Variants in BCAS3 observed in about 807,000 individuals in gnomAD.
BCAS3 encodes BCAS4/BCAS3 fusion.
In BCAS3, 53 loss-of-function variants were observed where a neutral mutation model predicts 116.1. The observed-to-expected ratio is 0.46, with a 90% confidence interval of 0.37 to 0.57. BCAS3 has a LOEUF of 0.57. Among genes scored for constraint, BCAS3 ranks in the 20% least tolerant of loss-of-function variants. BCAS3 has a pLI of 0.00. For missense variants in BCAS3, 917 were observed against 1,165.4 expected (o/e 0.79, Z 3.10); for synonymous variants, 391 against 408.2 (o/e 0.96, Z 0.51).
intron 6 of BCAS3, among the ~76,000 whole-genome samples, chr17:60,790,898 C>A (rs1286272576): frequency 1.3e-5 from 2 of 151,956 alleles, no homozygotes; most frequent in African/African-American, 4.8e-5. Flanking sequence ...CGTGCACCAC[C>A]ACGCCTGGCT....
rs1015492387 is a variant in BCAS3, at chr17:61,037,297, T to C, written c.1763-592T>C. On this transcript the variant is annotated intron_variant, in intron 17 of 23. Coordinates refer to ENST00000407086, the MANE Select transcript of BCAS3 (RefSeq NM_017679.5). The surrounding 1 kb of genome is among the most constrained non-coding windows in gnomAD (Gnocchi z 4.7). ...TTTTCATAATGTGGGACAAATTACATTGTAGACAAGTACAAAAGTCTATGA... is the reference window on the plus strand; with the variant it reads ...TTTTCATAATGTGGGACAAATTACACTGTAGACAAGTACAAAAGTCTATGA... 2.0e-5 allele frequency among the ~76,000 whole-genome samples: 3 copies of C among 152,236 alleles called. No individual in the cohort carries two copies. Among genetic ancestry groups the C allele is most frequent in the Non-Finnish European group, 4.4e-5 (3 of 68,042 alleles).
Position 61,275,570 on chromosome 17 carries a change from C to T in BCAS3, c.2426-92757C>T, listed in dbSNP as rs140013126. Among the ~76,000 whole-genome samples, 921 of 152,300 alleles carry T rather than the reference C, an allele frequency of 6.0e-3. 7 individuals carry two copies. Among genetic ancestry groups the T allele is most frequent in the Middle Eastern group, 0.024 (7 of 294 alleles). On this transcript the variant is annotated intron_variant, in intron 22 of 23. Transcript: ENST00000407086. The stretch of plus-strand genomic sequence containing the variant: ...AGGCTGGAGTGCAGTGGCACAATCA[C>T]AGTGAGCAGTGGCTCACTGCAGCCT...
intron 3 of BCAS3, among the ~76,000 whole-genome samples, chr17:60,686,436 C>T (rs923091098): frequency 1.3e-5 from 2 of 152,124 alleles, no homozygotes; most frequent in African/African-American, 4.8e-5. Flanking sequence ...AGTTATCACT[C>T]ATTGAATTCT....
At chr17:60,923,107 C>T (rs1276376979) in intron 12 of BCAS3, among the ~76,000 whole-genome samples, 1 of 152,086 alleles carries the variant, frequency 6.6e-6, no homozygotes, top group Non-Finnish European at 1.5e-5. Flanking sequence ...GCTGATGGAA[C>T]AGTAAACAGT....
intron 7 of BCAS3, chr17:60,810,287 G>T: frequency 4.4e-6 from 2 of 450,124 alleles, no homozygotes; most frequent in Non-Finnish European, 8.7e-6. Flanking sequence ...GGCACCAGGG[G>T]CTCTGGTTCC....
At chr17:61,148,359 C>CAG (rs2077359843) in intron 22 of BCAS3, among the ~76,000 whole-genome samples, 1 of 152,178 alleles carries the variant, frequency 6.6e-6, no homozygotes, top group Admixed American at 6.5e-5. Flanking sequence ...CATTATGTGC[C>CAG]AGACACTGTT....
intron 6 of BCAS3, among the ~76,000 whole-genome samples, chr17:60,780,163 G>A (rs953267868): frequency 1.5e-4 from 22 of 151,348 alleles, no homozygotes; most frequent in African/African-American, 5.1e-4. Flanking sequence ...GCTAATTTTT[G>A]TATTTTTAGT....
rs1435543597 is a variant in BCAS3, at chr17:61,363,310, G to A, written c.2426-5017G>A. ...ATAGAGCACCTTTTATGCCGTTAGA[G>A]TTTGAGCAAGAGTAGTCTTTATACC... On this transcript the variant is annotated intron_variant, in intron 22 of 23. Coordinates refer to ENST00000407086, the MANE Select transcript of BCAS3 (RefSeq NM_017679.5). The surrounding 1 kb of genome is among the most constrained non-coding windows in gnomAD (Gnocchi z 4.9). Among the ~76,000 whole-genome samples the A allele has an allele frequency of 6.6e-6, 1 of 152,206 alleles. No homozygotes were observed. The highest frequency in any genetic ancestry group is 1.5e-5 in the Non-Finnish European group (1 of 68,036).
chr17:60,703,870 T>C (rs1209454408), intron 4 of BCAS3, among the ~76,000 whole-genome samples: 3 of 145,124 alleles, frequency 2.1e-5, no homozygotes, highest in African/African-American at 5.2e-5. Context: ...GCCGAGATCA[T>C]GCCGCTGCAC....
chr17:60,958,870 A>G (rs1342448272), intron 14 of BCAS3, among the ~76,000 whole-genome samples: 2 of 152,222 alleles, frequency 1.3e-5, no homozygotes, highest in African/African-American at 2.4e-5. Flanking sequence ...CAAAGGTGCA[A>G]AGATACAAAG....
At chr17:61,194,960 C>T (rs1468446049) in intron 22 of BCAS3, among the ~76,000 whole-genome samples, 2 of 152,164 alleles carry the variant, frequency 1.3e-5, no homozygotes, top group African/African-American at 4.8e-5. Context: ...TCCACCATAG[C>T]CAGCCAGCCT....
intron 22 of BCAS3, among the ~76,000 whole-genome samples, chr17:61,351,865 G>A (rs1261079581): frequency 6.6e-6 from 1 of 152,164 alleles, no homozygotes; most frequent in Non-Finnish European, 1.5e-5. Flanking sequence ...TCCACCACTC[G>A]TTTCAGATAT....
At chr17:61,195,131 C>T (rs2080398713) in intron 22 of BCAS3, among the ~76,000 whole-genome samples, 1 of 152,220 alleles carries the variant, frequency 6.6e-6, no homozygotes, top group Admixed American at 6.5e-5. Flanking sequence ...TCACTTTAAG[C>T]ATTAACAATT....
At position 61,213,863 on chromosome 17, in the gene BCAS3, C is replaced by A. The variant is rs190802899; in HGVS notation, c.2425+129299C>A. Among the ~76,000 whole-genome samples, 2 of 152,262 alleles carry A rather than the reference C, an allele frequency of 1.3e-5. No homozygotes were observed. Among genetic ancestry groups the A allele is most frequent in the Admixed American group, 1.3e-4 (2 of 15,290 alleles). On this transcript the variant is annotated intron_variant, in intron 22 of 23. Transcript: ENST00000407086. This position sits in a 1 kb window ranked among gnomAD's most constrained non-coding sequence, Gnocchi z 5.4. Reference sequence around the variant, plus strand: ...GGAAAGAATTTAATGAAATCTTGAACTTTGCCTTCTGCCCTTTTGTATTTG... The same window carrying A: ...GGAAAGAATTTAATGAAATCTTGAAATTTGCCTTCTGCCCTTTTGTATTTG...
chr17:60,858,894 C>T (rs1188115175), intron 7 of BCAS3, among the ~76,000 whole-genome samples: 1 of 152,084 alleles, frequency 6.6e-6, no homozygotes, highest in Non-Finnish European at 1.5e-5. Context: ...CTTCTTTAAT[C>T]AAGTATCTTT....
At chr17:60,954,458 G>C (rs979261806) in intron 14 of BCAS3, among the ~76,000 whole-genome samples, 1 of 152,118 alleles carries the variant, frequency 6.6e-6, no homozygotes, top group Admixed American at 6.5e-5. Flanking sequence ...AAAGCATACA[G>C]TTCAATGGTA....
At chr17:60,741,043 A>G (rs757247594) in intron 5 of BCAS3, among the ~76,000 whole-genome samples, 2 of 152,168 alleles carry the variant, frequency 1.3e-5, no homozygotes, top group Non-Finnish European at 2.9e-5. Context: ...TCTTGTCCAC[A>G]TTGAACCTCT....
At chr17:61,385,461 G>A (rs1463990670) in intron 23 of BCAS3, among the ~76,000 whole-genome samples, 2 of 152,226 alleles carry the variant, frequency 1.3e-5, no homozygotes, top group African/African-American at 4.8e-5. Flanking sequence ...GAGCAGTCAC[G>A]TGACCCGCTG....
chr17:60,820,412 G>GA (rs2049854660), intron 7 of BCAS3, among the ~76,000 whole-genome samples: 1 of 152,130 alleles, frequency 6.6e-6, no homozygotes, highest in South Asian at 2.1e-4. Context: ...CTAGGGGCTG[G>GA]ATTCTGAAGG....
Sources: gnomAD v4.1 joint callset for allele counts (sites outside exome capture counted in the v4.1 genomes callset) on GRCh38, gnomAD v4.1.1 for gene constraint, Gnocchi (gnomAD v3.1) non-coding constraint, MANE v1.5 for transcripts, NCBI Gene and HGNC (gene_info 2026-07-23, HGNC 2026-07-21) for gene names.